The following TMEM135 variants were observed in gnomAD, a reference collection of about 807,000 sequenced individuals.
The protein encoded by TMEM135 is peroxisomal membrane protein 52.
TMEM135 carries 30 observed loss-of-function variants against 60.3 expected under a neutral mutation model. The ratio of observed to expected loss-of-function variants is 0.50; its 90% CI spans 0.37 to 0.68. TMEM135 has a LOEUF of 0.68. Ranked by LOEUF, TMEM135 falls within the 30% of genes least tolerant of loss-of-function variation. TMEM135 has a pLI of 0.00. For missense variants in TMEM135, 468 were observed against 548.8 expected, an observed-to-expected ratio of 0.85 and a Z score of 1.47; for synonymous variants, 190 against 186.7, an observed-to-expected ratio of 1.02 and a Z score of -0.14.
rs562824143 is a variant in TMEM135 at position 87,192,351 on chromosome 11, T to A, written c.462+34945T>A. On this transcript the variant is annotated intron_variant, in intron 5 of 14. Transcript: ENST00000305494. ...GCCATTTCTGGTACCAATTTCAGTATTTTTTAGGTTAAATTTTAAAGACAA... is the reference window on the plus strand; with the variant it reads ...GCCATTTCTGGTACCAATTTCAGTAATTTTTAGGTTAAATTTTAAAGACAA... Among the ~76,000 whole-genome samples the A allele has an allele frequency of 3.3e-5, 5 of 152,210 alleles. No individual in the cohort carries two copies. The East Asian group carries it at 5.8e-4, about 18-fold the overall frequency.
intron 5 of TMEM135, among the ~76,000 whole-genome samples, chr11:87,203,475 G>T (rs1008546114): frequency 5.9e-5 from 9 of 152,090 alleles, no homozygotes; most frequent in Admixed American, 3.9e-4. Context: ...TTTCAGATGG[G>T]CTTCTTTTCA....
chr11:87,083,877 TA>T (rs911369664), intron 3 of TMEM135, among the ~76,000 whole-genome samples: 39 of 152,194 alleles, frequency 2.6e-4, no homozygotes, highest in African/African-American at 9.4e-4. Flanking sequence ...TAGCATTTCT[TA>T]ATAAGCCATT....
intron 5 of TMEM135, among the ~76,000 whole-genome samples, chr11:87,224,042 A>G (rs551123510): frequency 2.6e-5 from 4 of 152,330 alleles, no homozygotes; most frequent in East Asian, 3.9e-4. Context: ...TGGAATGACC[A>G]TATGCCCAGG....
chr11:87,216,731 TTAAGG>T (rs773964979), intron 5 of TMEM135, among the ~76,000 whole-genome samples: 2 of 152,196 alleles, frequency 1.3e-5, no homozygotes, highest in Non-Finnish European at 2.9e-5. Flanking sequence ...CATAAGCACT[TTAAGG>T]TTTTATAAAA....
At chr11:87,079,007 A>G (rs1856929801) in intron 3 of TMEM135, among the ~76,000 whole-genome samples, 1 of 150,328 alleles carries the variant, frequency 6.7e-6, no homozygotes, top group Non-Finnish European at 1.5e-5. Context: ...TTATTTATTT[A>G]TTTGTTTATT....
At chr11:87,055,393 C>G (rs1445678147) in intron 1 of TMEM135, among the ~76,000 whole-genome samples, 1 of 152,292 alleles carries the variant, frequency 6.6e-6, no homozygotes, top group East Asian at 1.9e-4. Context: ...AGTTAACTGC[C>G]TACAAACACC....
chr11:87,276,833 G>A (rs991238004), intron 6 of TMEM135, among the ~76,000 whole-genome samples: 16 of 151,612 alleles, frequency 1.1e-4, no homozygotes, highest in Non-Finnish European at 1.9e-4. Context: ...CACCATGCCT[G>A]GCTAATTTTT....
chr11:87,193,574 T>A (rs897299906), intron 5 of TMEM135, among the ~76,000 whole-genome samples: 27 of 152,096 alleles, frequency 1.8e-4, no homozygotes, highest in Admixed American at 1.6e-3. Flanking sequence ...TAATTTCTTC[T>A]AAGTACCCAG....
chr11:87,054,992 T>G (rs921085879), intron 1 of TMEM135, among the ~76,000 whole-genome samples: 4 of 152,142 alleles, frequency 2.6e-5, no homozygotes, highest in Admixed American at 6.5e-5. Flanking sequence ...TTACCTACAA[T>G]GAGTAAGAAA....
At chr11:87,271,786 A>T (rs1031479557) in intron 6 of TMEM135, among the ~76,000 whole-genome samples, 1 of 151,822 alleles carries the variant, frequency 6.6e-6, no homozygotes, top group Non-Finnish European at 1.5e-5. Flanking sequence ...ATACAAAAAA[A>T]ATACCTGAGC....
chr11:87,120,668 G>A (rs369496039), intron 4 of TMEM135, among the ~76,000 whole-genome samples: 7 of 151,830 alleles, frequency 4.6e-5, no homozygotes, highest in East Asian at 1.9e-4. Flanking sequence ...GGGCTTCACC[G>A]TGTTGGCCAG....
At chr11:87,259,982 A>G (rs1484416676) in intron 6 of TMEM135, among the ~76,000 whole-genome samples, 2 of 152,148 alleles carry the variant, frequency 1.3e-5, no homozygotes, top group Non-Finnish European at 2.9e-5. Context: ...CAAAATGTAA[A>G]GAGGAGGAGA....
intron 1 of TMEM135, among the ~76,000 whole-genome samples, chr11:87,054,907 CTG>C (rs1180603024): frequency 6.6e-6 from 1 of 152,126 alleles, no homozygotes; most frequent in Non-Finnish European, 1.5e-5. Context: ...TGTAGTATAA[CTG>C]TATTTACTCT....
At chr11:87,179,560 C>T (rs1167638003) in intron 5 of TMEM135, among the ~76,000 whole-genome samples, 7 of 152,080 alleles carry the variant, frequency 4.6e-5, no homozygotes, top group Non-Finnish European at 8.8e-5. Flanking sequence ...CTCTTCAGAT[C>T]ATATAAGTCT....
chr11:87,180,190 A>G (rs77088083), intron 5 of TMEM135, among the ~76,000 whole-genome samples: 15,221 of 152,146 alleles, frequency 0.1, 803 homozygotes, highest in African/African-American at 0.11. Flanking sequence ...GTAAGCCTTA[A>G]TCATGAGGCC....
At chr11:87,078,447 A>C (rs1237755466) in intron 3 of TMEM135, among the ~76,000 whole-genome samples, 1 of 152,154 alleles carries the variant, frequency 6.6e-6, no homozygotes, top group African/African-American at 2.4e-5. Flanking sequence ...ATTGAGTTGT[A>C]AGGGTTCTTT....
intron 4 of TMEM135, among the ~76,000 whole-genome samples, chr11:87,149,229 T>C (rs1938491312): frequency 6.6e-6 from 1 of 152,260 alleles, no homozygotes; most frequent in Admixed American, 6.5e-5. Flanking sequence ...TCTATTTTTC[T>C]AATGCCATAA....
intron 7 of TMEM135, among the ~76,000 whole-genome samples, chr11:87,301,732 T>A (rs1450773617): frequency 6.6e-6 from 1 of 152,222 alleles, no homozygotes; most frequent in Non-Finnish European, 1.5e-5. Context: ...GGATACTTCT[T>A]GAGGGATATC....
intron 3 of TMEM135, among the ~76,000 whole-genome samples, chr11:87,081,968 T>C (rs1445702287): frequency 6.6e-6 from 1 of 152,170 alleles, no homozygotes; most frequent in East Asian, 1.9e-4. Context: ...TATGTGTTGA[T>C]TTAGTTCTTT....
Sources: gnomAD v4.1 joint callset for allele counts (sites outside exome capture counted in the v4.1 genomes callset) on GRCh38, gnomAD v4.1.1 for gene constraint, MANE v1.5 for transcripts, NCBI Gene and HGNC (gene_info 2026-07-23, HGNC 2026-07-21) for gene names.